The following RBFOX1 variants were observed in gnomAD, a reference collection of about 807,000 sequenced individuals.
RBFOX1 encodes RNA binding fox-1 homolog 1.
In RBFOX1, 8 loss-of-function variants were observed where a neutral mutation model predicts 57.7. That is an observed-to-expected ratio of 0.14 (90% confidence interval 0.08 to 0.25). RBFOX1 has a LOEUF of 0.25. RBFOX1 is among the 10% of genes least tolerant of loss of function. The pLI is 1.00. For missense variants in RBFOX1, 611 were observed against 548.5 expected, an observed-to-expected ratio of 1.11 and a Z score of -1.14; for synonymous variants, 326 against 222.4, an observed-to-expected ratio of 1.47 and a Z score of -4.15.
intron 4 of RBFOX1, among the ~76,000 whole-genome samples, chr16:7,192,861 G>C (rs77958848): frequency 6.6e-6 from 1 of 152,138 alleles, no homozygotes; most frequent in Non-Finnish European, 1.5e-5. Context: ...GATGAAGTCC[G>C]AGGATCATGT....
chr16:5,749,023 C>A lies in RBFOX1; in HGVS notation c.319-118280C>A, dbSNP rs369966772. 2.4e-4 allele frequency among the ~76,000 whole-genome samples: 37 copies of A among 152,240 alleles called. 1 individual carries two copies. The South Asian group carries it at 7.7e-3, about 32-fold the overall frequency. On this transcript the variant is annotated intron_variant, in intron 3 of 19. Coordinates refer to the RBFOX1 transcript ENST00000641259. ...GTGGCTGGTATCGGTTGTTCTTTTC[C>A]ATGTTGAGTGCTTCCTTCAGGAGCT... is the stretch of plus-strand genomic sequence containing the variant.
intron 1 of RBFOX1, among the ~76,000 whole-genome samples, chr16:5,273,335 T>C (rs567552067): frequency 4.6e-5 from 7 of 152,212 alleles, no homozygotes; most frequent in African/African-American, 1.7e-4. Flanking sequence ...ACCTACTATG[T>C]GTCAGTCTTT....
intron 3 of RBFOX1, among the ~76,000 whole-genome samples, chr16:6,893,579 C>T (rs1346340596): frequency 6.6e-6 from 1 of 152,102 alleles, no homozygotes. Context: ...TAAATTTAGA[C>T]CACAAAGAAT....
At chr16:7,538,263 A>G (rs12051483) in intron 5 of RBFOX1, among the ~76,000 whole-genome samples, 6,535 of 152,206 alleles carry the variant, frequency 0.043, 203 homozygotes, top group East Asian at 0.12. Flanking sequence ...TCCGCCATCA[A>G]TAAGATCCTT....
chr16:6,228,521 TG>T (rs1361885457), intron 1 of RBFOX1, among the ~76,000 whole-genome samples: 1 of 152,116 alleles, frequency 6.6e-6, no homozygotes, highest in East Asian at 1.9e-4. Context: ...ACAATATGGT[TG>T]AACCTGGAGG....
intron 1 of RBFOX1, among the ~76,000 whole-genome samples, chr16:5,245,730 C>A (rs1027117505): frequency 1.3e-5 from 2 of 152,114 alleles, no homozygotes; most frequent in South Asian, 2.1e-4. Flanking sequence ...CCATGCCTGA[C>A]CATTTTTAAA....
chr16:6,686,225 G>C (rs1177644760), intron 3 of RBFOX1, among the ~76,000 whole-genome samples: 1 of 152,158 alleles, frequency 6.6e-6, no homozygotes, highest in East Asian at 1.9e-4. Flanking sequence ...TTATCACTCA[G>C]GTAGAGGTCT....
intron 2 of RBFOX1, among the ~76,000 whole-genome samples, chr16:6,577,710 A>T (rs1387690566): frequency 6.6e-6 from 1 of 152,174 alleles, no homozygotes; most frequent in Non-Finnish European, 1.5e-5. Flanking sequence ...TCACAGTGGT[A>T]GTCAAGTGCT....
intron 14 of RBFOX1, among the ~76,000 whole-genome samples, chr16:7,677,374 T>A (rs2073654085): frequency 6.6e-6 from 1 of 152,206 alleles, no homozygotes; most frequent in Admixed American, 6.5e-5. Flanking sequence ...AGGAGATTGA[T>A]TCTTTCTAGC....
intron 2 of RBFOX1, among the ~76,000 whole-genome samples, chr16:5,510,549 G>A (rs1206130259): frequency 6.6e-6 from 1 of 152,202 alleles, no homozygotes; most frequent in South Asian, 2.1e-4. Flanking sequence ...CACCGGGCAG[G>A]GAAGAGCACC....
chr16:6,889,173 C>A (rs769846141), intron 3 of RBFOX1, among the ~76,000 whole-genome samples: 4 of 152,180 alleles, frequency 2.6e-5, no homozygotes, highest in Non-Finnish European at 4.4e-5. Context: ...CCCATTGTTA[C>A]TGAAAATACT....
At chr16:5,419,401 C>T (rs2067248917) in intron 1 of RBFOX1, among the ~76,000 whole-genome samples, 1 of 152,106 alleles carries the variant, frequency 6.6e-6, no homozygotes, top group African/African-American at 2.4e-5. Flanking sequence ...GAAATCTAGT[C>T]TTTTCACATT....
Position 5,880,995 on chromosome 16 carries a change from T to C in RBFOX1, c.351+13660T>C, listed in dbSNP as rs572000419. 3.3e-5 allele frequency among the ~76,000 whole-genome samples: 5 copies of C among 152,338 alleles called. No homozygotes were observed. The East Asian group carries it at 9.7e-4, about 29-fold the overall frequency. ...TGTAATGTGACTAAAATATCTGTGATTTCTCTTGGTGACAAAGTCACAGGT... is the reference window on the plus strand; with the variant it reads ...TGTAATGTGACTAAAATATCTGTGACTTCTCTTGGTGACAAAGTCACAGGT... On this transcript the variant is annotated intron_variant, in intron 4 of 19. Transcript: ENST00000641259.
chr16:5,827,133 G>A (rs1353082775), intron 3 of RBFOX1, among the ~76,000 whole-genome samples: 1 of 152,114 alleles, frequency 6.6e-6, no homozygotes, highest in African/African-American at 2.4e-5. Context: ...CAGGCACTGT[G>A]GCTCATGCCT....
At chr16:6,642,447 A>G (rs919299249) in intron 2 of RBFOX1, among the ~76,000 whole-genome samples, 1 of 152,082 alleles carries the variant, frequency 6.6e-6, no homozygotes, top group Non-Finnish European at 1.5e-5. Context: ...CTCCTACCTG[A>G]AACAGGGATG....
intron 3 of RBFOX1, among the ~76,000 whole-genome samples, chr16:5,797,260 C>T (rs74006301): frequency 0.023 from 3,465 of 152,252 alleles, 116 homozygotes; most frequent in African/African-American, 0.077. Flanking sequence ...ACTACATAGA[C>T]TGGATTTGCA....
At chr16:6,716,924 G>A (rs180890641) in intron 3 of RBFOX1, among the ~76,000 whole-genome samples, 16 of 152,236 alleles carry the variant, frequency 1.1e-4, no homozygotes, top group Admixed American at 6.5e-5. Flanking sequence ...TAGGAGGTGG[G>A]GTCTTTGGAA....
At chr16:5,972,057 C>G (rs1381326835) in intron 4 of RBFOX1, among the ~76,000 whole-genome samples, 1 of 152,224 alleles carries the variant, frequency 6.6e-6, no homozygotes, top group Non-Finnish European at 1.5e-5. Flanking sequence ...CTTTCTGGGT[C>G]TGCAGCCTGC....
At chr16:7,385,074 T>G (rs2097853364) in intron 4 of RBFOX1, among the ~76,000 whole-genome samples, 1 of 152,156 alleles carries the variant, frequency 6.6e-6, no homozygotes, top group African/African-American at 2.4e-5. Context: ...TTTTGAAAGA[T>G]GAACAGATCC....
Sources: allele counts gnomAD v4.1 joint callset (sites outside exome capture counted in the v4.1 genomes callset), GRCh38; gene constraint gnomAD v4.1.1; transcripts MANE v1.5; gene names NCBI Gene and HGNC (gene_info 2026-07-23, HGNC 2026-07-21).